The following CNTNAP4 variants were observed in gnomAD, a reference collection of about 807,000 sequenced individuals.
The protein encoded by CNTNAP4 is contactin associated protein family member 4, also known as contactin-associated protein-like 4.
CNTNAP4 carries 98 observed loss-of-function variants against 148.4 expected under a neutral mutation model. That is an observed-to-expected ratio of 0.66 (90% CI 0.56 to 0.78). CNTNAP4 has a LOEUF of 0.78. Among genes scored for constraint, CNTNAP4 ranks in the 30% least tolerant of loss-of-function variants. CNTNAP4 has a pLI of 0.00. For synonymous variants in CNTNAP4, 730 were observed against 565.1 expected, an observed-to-expected ratio of 1.29 and a Z score of -4.14; for missense variants, 1,935 against 1,565.6, an observed-to-expected ratio of 1.24 and a Z score of -3.98.
chr16:76,534,944 A>C (rs549088141), intron 17 of CNTNAP4, among the ~76,000 whole-genome samples: 1 of 152,308 alleles, frequency 6.6e-6, no homozygotes, highest in Non-Finnish European at 1.5e-5. Context: ...CAATTTTGTT[A>C]AGAATCTTTC....
intron 3 of CNTNAP4, among the ~76,000 whole-genome samples, chr16:76,424,684 G>A (rs375048459): frequency 3.3e-5 from 5 of 151,970 alleles, no homozygotes; most frequent in East Asian, 1.9e-4. Context: ...GCTTGAGCCC[G>A]GGAGGTGGAG....
chr16:76,324,020 C>G (rs977320947), intron 2 of CNTNAP4, among the ~76,000 whole-genome samples: 3 of 152,192 alleles, frequency 2.0e-5, no homozygotes, highest in Non-Finnish European at 4.4e-5. Context: ...GGCAATGTAG[C>G]TATCTTCTGT....
intron 17 of CNTNAP4, among the ~76,000 whole-genome samples, chr16:76,530,961 A>C (rs879518402): frequency 4.6e-5 from 7 of 152,188 alleles, no homozygotes; most frequent in Non-Finnish European, 8.8e-5. Context: ...TCCTGGGCCC[A>C]GCCTGCATGC....
chr16:76,323,152 C>G (rs1264534535), intron 2 of CNTNAP4, among the ~76,000 whole-genome samples: 1 of 151,984 alleles, frequency 6.6e-6, no homozygotes, highest in African/African-American at 2.4e-5. Flanking sequence ...TGGCAATATT[C>G]CTGATTAATT....
intron 3 of CNTNAP4, among the ~76,000 whole-genome samples, chr16:76,397,938 TTATATACATATATATATATATATA>T (rs1275226315): frequency 0.037 from 2,327 of 62,264 alleles, 238 homozygotes; most frequent in Middle Eastern, 0.1. Flanking sequence ...AACTAATAGA[TTATATACATATATATATATATATA>T]TATATATATA....
At chr16:76,410,603 T>C (rs1189011608) in intron 3 of CNTNAP4, among the ~76,000 whole-genome samples, 2 of 151,752 alleles carry the variant, frequency 1.3e-5, no homozygotes, top group African/African-American at 4.8e-5. Flanking sequence ...AAATGACAGA[T>C]GAGTTTGTCT....
At chr16:76,318,332 T>A (rs949464843) in intron 2 of CNTNAP4, among the ~76,000 whole-genome samples, 5 of 152,208 alleles carry the variant, frequency 3.3e-5, no homozygotes, top group Non-Finnish European at 1.5e-5. Context: ...TCACAAAATA[T>A]ATGTTATTAA....
intron 15 of CNTNAP4, among the ~76,000 whole-genome samples, chr16:76,515,126 C>T (rs2144039290): frequency 6.6e-6 from 1 of 152,168 alleles, no homozygotes; most frequent in Middle Eastern, 3.4e-3. Flanking sequence ...TTTGTGAAAG[C>T]TTGCATGAAG....
At chr16:76,442,042 C>T (rs574194547) in intron 4 of CNTNAP4, among the ~76,000 whole-genome samples, 11 of 152,182 alleles carry the variant, frequency 7.2e-5, no homozygotes, top group East Asian at 1.9e-4. Flanking sequence ...ATGGCAAAAG[C>T]GCTTTGCAGA....
intron 3 of CNTNAP4, among the ~76,000 whole-genome samples, chr16:76,358,194 G>C (rs992555045): frequency 2.0e-5 from 3 of 152,078 alleles, no homozygotes; most frequent in African/African-American, 7.2e-5. Context: ...AAGTTAGCTG[G>C]GCATGGTGAC....
intron 10 of CNTNAP4, among the ~76,000 whole-genome samples, chr16:76,467,874 C>T (rs1332931233): frequency 6.6e-6 from 1 of 152,158 alleles, no homozygotes; most frequent in Non-Finnish European, 1.5e-5. Context: ...TAAAATTGAT[C>T]ATCAGGTACC....
intron 1 of CNTNAP4, among the ~76,000 whole-genome samples, chr16:76,315,322 C>T (rs1385459011): frequency 6.6e-6 from 1 of 152,114 alleles, no homozygotes; most frequent in Non-Finnish European, 1.5e-5. Context: ...AAAGACAAAA[C>T]TCCTTGAGGC....
At chr16:76,319,096 A>G (rs1567687434) in intron 2 of CNTNAP4, among the ~76,000 whole-genome samples, 1 of 152,074 alleles carries the variant, frequency 6.6e-6, no homozygotes, top group Non-Finnish European at 1.5e-5. Flanking sequence ...GGGATCAAAA[A>G]AAGGCTACCA....
chr16:76,457,150 C>G lies in CNTNAP4; in HGVS notation c.1333+4381C>G, dbSNP rs376305427. Among the ~76,000 whole-genome samples, 12 of 152,344 alleles carry G rather than the reference C, an allele frequency of 7.9e-5. No homozygotes were observed. The East Asian group carries it at 9.7e-4, about 12-fold the overall frequency. ...TTCAAATTCTATGATTTCTCCTTCT[C>G]CTTCCTGTTTCACAGTGGTGCGGCC... On this transcript the variant is annotated intron_variant, in intron 8 of 23. Transcript: ENST00000611870.
chr16:76,550,734 C>T (rs571492141), intron 21 of CNTNAP4, among the ~76,000 whole-genome samples: 1 of 150,868 alleles, frequency 6.6e-6, no homozygotes, highest in Non-Finnish European at 1.5e-5. Context: ...ATGTTTAAAT[C>T]TACATATATT....
intron 10 of CNTNAP4, among the ~76,000 whole-genome samples, chr16:76,475,399 C>G (rs1264700997): frequency 6.6e-6 from 1 of 152,180 alleles, no homozygotes; most frequent in African/African-American, 2.4e-5. Flanking sequence ...CTCTTGAAGA[C>G]TTAAATTATC....
chr16:76,407,479 C>T (rs868025231), intron 3 of CNTNAP4, among the ~76,000 whole-genome samples: 11 of 151,698 alleles, frequency 7.3e-5, no homozygotes, highest in South Asian at 6.2e-4. Context: ...GTAAAAATAT[C>T]AGCATTAATG....
chr16:76,387,117 C>T (rs922749012), intron 3 of CNTNAP4, among the ~76,000 whole-genome samples: 3 of 152,100 alleles, frequency 2.0e-5, no homozygotes, highest in Non-Finnish European at 4.4e-5. Context: ...GATTTTTGGA[C>T]CACAGAACTG....
At chr16:76,487,952 G>A (rs2143757517) in intron 12 of CNTNAP4, among the ~76,000 whole-genome samples, 1 of 152,222 alleles carries the variant, frequency 6.6e-6, no homozygotes, top group African/African-American at 2.4e-5. Flanking sequence ...AAGAGACAAA[G>A]GCTTCAAGCA....
Sources: gnomAD v4.1 joint callset for allele counts (sites outside exome capture counted in the v4.1 genomes callset) on GRCh38, gnomAD v4.1.1 for gene constraint, MANE v1.5 for transcripts, NCBI Gene and HGNC (gene_info 2026-07-23, HGNC 2026-07-21) for gene names.